REPS1: variants seen among roughly 807,000 people sequenced by gnomAD.
REPS1 encodes ralBP1-associated Eps domain-containing protein 1.
Under a neutral mutation model 100.9 loss-of-function variants are expected in REPS1, and 39 were observed. The ratio of observed to expected loss-of-function variants is 0.39; its 90% CI spans 0.30 to 0.50. The LOEUF is 0.50. Ranked by LOEUF, REPS1 falls within the 20% of genes least tolerant of loss-of-function variation. REPS1 has a pLI of 0.86. For missense variants in REPS1, 821 were observed against 968.5 expected (o/e 0.85, Z 2.02); for synonymous variants, 324 against 340.3 (o/e 0.95, Z 0.53).
chr6:138,969,220 C>G (rs1453199371), intron 1 of REPS1, among the ~76,000 whole-genome samples: 1 of 146,170 alleles, frequency 6.8e-6, no homozygotes, highest in African/African-American at 2.5e-5. Flanking sequence ...TTCTTAAAAA[C>G]TTTCTGCCCT....
chr6:138,926,406 C>T lies in REPS1; in HGVS notation c.1333G>A (p.Asp445Asn). 1 of 1,608,842 alleles carries T rather than the reference C, an allele frequency of 6.2e-7. No homozygotes were observed. Among genetic ancestry groups the T allele is most frequent in the Non-Finnish European group, 8.5e-7 (1 of 1,175,858 alleles). ...AAGCTAAGTGATTGACTTACAGGAT[C>T]AGCTGGTGCAATGTTAGAATCAAAT... The part of the protein sequence containing the change: ...TQFDSNIAPA[D>N]PDTAIVHPVP... The change falls in exon 10 of 20, where the codon GAT becomes AAT. Residue 445 changes from aspartate (D) to asparagine (N), a missense_variant. Coordinates refer to ENST00000450536, the MANE Select transcript of REPS1 (RefSeq NM_001286611.2).
At position 138,912,902 on chromosome 6, in the gene REPS1, T is replaced by A. The variant is rs145783793; in HGVS notation, c.1834A>T (p.Thr612Ser). Residue 612 changes from threonine to serine, a missense_variant, in exon 16 of 20, where the codon ACT (threonine) becomes TCT (serine). This residue lies in a region of REPS1 where 757 missense variants were observed against 866.4 expected (regional missense o/e 0.87). Transcript: ENST00000450536. ...HRPVDADGLI[T>S]HTSTSPQQIP... ...TGCTGAGGTGAGGTACTAGTGTGAG[T>A]TATGAGGCCATCGGCATCCACTGGG... 1.1e-5 allele frequency: 17 copies of A among 1,614,110 alleles called. No homozygotes were observed. The South Asian group carries it at 1.9e-4, about 18-fold the overall frequency.
intron 1 of REPS1, among the ~76,000 whole-genome samples, chr6:138,965,280 T>C (rs1305130369): frequency 6.6e-6 from 1 of 151,996 alleles, no homozygotes; most frequent in African/African-American, 2.4e-5. Context: ...AGTTTGATAG[T>C]TTGATTCAGG....
chr6:138,975,290 T>G (rs1449202096), intron 1 of REPS1, among the ~76,000 whole-genome samples: 1 of 152,174 alleles, frequency 6.6e-6, no homozygotes, highest in Admixed American at 6.5e-5. Flanking sequence ...CTTTGAGTCC[T>G]CTAGTGCTAA....
intron 4 of REPS1, 48 bp from the exon 5 acceptor site, chr6:138,944,670 G>A (rs773416544): frequency 6.4e-7 from 1 of 1,564,512 alleles, no homozygotes; most frequent in South Asian, 1.2e-5. Flanking sequence ...GAGGAAAAAA[G>A]TTACTAGGAA....
chr6:138,925,253 G>A (rs1418745430), intron 10 of REPS1, among the ~76,000 whole-genome samples: 2 of 151,970 alleles, frequency 1.3e-5, no homozygotes, highest in African/African-American at 4.8e-5. Context: ...TGTAGTCCCA[G>A]CTACTCGGGA....
At chr6:138,956,783 T>A (rs112217590) in intron 1 of REPS1, among the ~76,000 whole-genome samples, 3 of 151,842 alleles carry the variant, frequency 2.0e-5, no homozygotes, top group African/African-American at 7.2e-5. Context: ...GCCTATAAAG[T>A]TGAAGAGGAC....
At chr6:138,932,757 T>G (rs1467056947) in intron 8 of REPS1, among the ~76,000 whole-genome samples, 1 of 152,198 alleles carries the variant, frequency 6.6e-6, no homozygotes, top group Non-Finnish European at 1.5e-5. Flanking sequence ...AATTCGGACT[T>G]GGGTATCGCG....
At chr6:138,915,645 G>A (rs1335942029) in intron 14 of REPS1, among the ~76,000 whole-genome samples, 1 of 151,844 alleles carries the variant, frequency 6.6e-6, no homozygotes, top group Non-Finnish European at 1.5e-5. Context: ...TAGAGATGGG[G>A]TTTCACCATG....
At position 138,953,643 on chromosome 6, in the gene REPS1, A is replaced by G. The variant is rs530242963; in HGVS notation, c.154-5730T>C. Reference sequence around the variant, plus strand: ...CAAGGAAATGCAAATCAAAACCACAATGAGGTATCATCTCACCCCAGGGAG... The same window carrying G: ...CAAGGAAATGCAAATCAAAACCACAGTGAGGTATCATCTCACCCCAGGGAG... On this transcript the variant is annotated intron_variant, in intron 1 of 19. Coordinates refer to ENST00000450536, the MANE Select transcript of REPS1 (RefSeq NM_001286611.2). Among the ~76,000 whole-genome samples, 33 of 151,670 alleles carry G rather than the reference A, an allele frequency of 2.2e-4. 1 individual carries two copies. In the South Asian group the frequency reaches 6.9e-3, roughly 32 times the overall value.
intron 1 of REPS1, among the ~76,000 whole-genome samples, chr6:138,981,841 G>T (rs1024419928): frequency 7.9e-5 from 12 of 152,062 alleles, no homozygotes. Context: ...CTCTTGTGTC[G>T]CTCCATCAAA....
intron 10 of REPS1, among the ~76,000 whole-genome samples, chr6:138,925,720 G>A (rs532365326): frequency 4.6e-5 from 7 of 151,560 alleles, no homozygotes; most frequent in Non-Finnish European, 8.8e-5. Context: ...TGAACAGGGA[G>A]AAGAACGATT....
chr6:138,915,743 G>A (rs1405398140), intron 14 of REPS1, 115 bp downstream of exon 14: 8 of 787,704 alleles, frequency 1.0e-5, no homozygotes, highest in Admixed American at 7.5e-5. Context: ...AACCACACTC[G>A]ACCAGATAAA....
At chr6:138,966,280 A>T (rs1784018793) in intron 1 of REPS1, among the ~76,000 whole-genome samples, 1 of 152,120 alleles carries the variant, frequency 6.6e-6, no homozygotes, top group Non-Finnish European at 1.5e-5. Context: ...ATTTGTTACC[A>T]CTGGTCAAGC....
At chr6:138,970,845 T>C (rs1448719623) in intron 1 of REPS1, among the ~76,000 whole-genome samples, 1 of 152,014 alleles carries the variant, frequency 6.6e-6, no homozygotes, top group Non-Finnish European at 1.5e-5. Context: ...CAGGCCAGGG[T>C]ACAGGCAGTA....
chr6:138,939,643 TG>T (rs1382440574), intron 8 of REPS1, among the ~76,000 whole-genome samples: 4 of 152,212 alleles, frequency 2.6e-5, no homozygotes, highest in African/African-American at 7.2e-5. Context: ...TTCAAAGGCT[TG>T]AAGTCATATA....
rs1554294151 is a variant in REPS1 at position 138,955,457 on chromosome 6, A to AGTGTGTGTGTGTGTGT, written c.154-7560_154-7545dup. On this transcript the variant is annotated intron_variant, in intron 1 of 19. Transcript: ENST00000450536. ...TGTCTCTTTAAAAAAAAAAAAAAAAAGTGTGTGTGTGTGTGTGTGTGTGTG... is the reference window on the plus strand; with the variant it reads ...TGTCTCTTTAAAAAAAAAAAAAAAAAGTGTGTGTGTGTGTGTGTGTGTGTGTGTGTGTGTGTGTGTG... 5.8e-3 allele frequency among the ~76,000 whole-genome samples: 527 copies of AGTGTGTGTGTGTGTGT among 90,662 alleles called. 5 individuals carry two copies. Among genetic ancestry groups the AGTGTGTGTGTGTGTGT allele is most frequent in the Middle Eastern group, 0.015 (2 of 136 alleles). The allele number at this position is 90,662 out of a possible 152,430, so 59.5% of individuals were successfully genotyped here.
intron 19 of REPS1, among the ~76,000 whole-genome samples, chr6:138,906,869 A>T (rs1779686346): frequency 6.6e-6 from 1 of 152,244 alleles, no homozygotes; most frequent in African/African-American, 2.4e-5. Context: ...TTTGTAAGAC[A>T]TGAGTACCTA....
chr6:138,920,430 C>A, intron 11 of REPS1, 114 bp from the exon 12 acceptor site: 2 of 482,748 alleles, frequency 4.1e-6, no homozygotes, highest in South Asian at 4.8e-5. Flanking sequence ...CAGGTAAATC[C>A]ATAAAATGTA....
Sources: allele counts gnomAD v4.1 joint callset (sites outside exome capture counted in the v4.1 genomes callset), GRCh38; gene constraint gnomAD v4.1.1; regional missense constraint gnomAD v4.1.1; transcripts MANE v1.5; gene names NCBI Gene and HGNC (gene_info 2026-07-23, HGNC 2026-07-21).